Variants in CCDC171 observed in about 807,000 individuals in gnomAD.
CCDC171 encodes coiled-coil domain containing 171.
CCDC171 carries 177 observed loss-of-function variants against 168.2 expected under a neutral mutation model. The observed-to-expected ratio is 1.05, with a 90% CI of 0.93 to 1.19. CCDC171 has a LOEUF of 1.19. Among genes scored for constraint, CCDC171 ranks in the 50% most tolerant of loss-of-function variants. The pLI is 0.00. For missense variants in CCDC171, 1,991 were observed against 1,539.0 expected, an observed-to-expected ratio of 1.29 and a Z score of -4.91; for synonymous variants, 687 against 540.8, an observed-to-expected ratio of 1.27 and a Z score of -3.75.
intron 3 of CCDC171, among the ~76,000 whole-genome samples, chr9:16,007,598 T>A (rs1832744096): frequency 6.6e-6 from 1 of 152,196 alleles, no homozygotes; most frequent in African/African-American, 2.4e-5. Context: ...CCATCTTGAA[T>A]TAATTTTAGT....
chr9:16,015,803 C>T (rs537312389), intron 3 of CCDC171, among the ~76,000 whole-genome samples: 6 of 152,266 alleles, frequency 3.9e-5, no homozygotes, highest in South Asian at 2.1e-4. Flanking sequence ...CTTACAACCA[C>T]GATTCTACTT....
At chr9:16,059,189 T>C (rs1833889509) in intron 1 of CCDC171, among the ~76,000 whole-genome samples, 1 of 152,214 alleles carries the variant, frequency 6.6e-6, no homozygotes, top group Non-Finnish European at 1.5e-5. Context: ...CCCTACCACG[T>C]TATTGTTTCC....
chr9:15,632,548 C>A (rs2045812707), intron 7 of CCDC171, among the ~76,000 whole-genome samples: 2 of 152,128 alleles, frequency 1.3e-5, no homozygotes, highest in Admixed American at 1.3e-4. Context: ...AAGAACATTC[C>A]ATGCTCATGG....
intron 23 of CCDC171, among the ~76,000 whole-genome samples, chr9:15,852,014 T>C (rs1563870589): frequency 6.6e-6 from 1 of 151,832 alleles, no homozygotes; most frequent in African/African-American, 2.4e-5. Context: ...CACTTCTTGG[T>C]TATTATGAAT....
chr9:15,949,754 G>A (rs1404241841), intron 25 of CCDC171, among the ~76,000 whole-genome samples: 1 of 152,096 alleles, frequency 6.6e-6, no homozygotes, highest in Non-Finnish European at 1.5e-5. Context: ...TCTGCAAACA[G>A]GGACAATTTG....
chr9:15,973,814 C>G lies in CCDC171; in HGVS notation c.*1978C>G, dbSNP rs1831539331. On this transcript the variant is annotated 3_prime_UTR_variant, in exon 26 of 26. Transcript: ENST00000380701. ...TTTTAGTTCATGTGATATCACTGAG[C>G]TTACAATTCTCACTAGAGAAGAACA... is the stretch of plus-strand genomic sequence containing the variant. The G allele has an allele frequency of 6.6e-6, 1 of 152,104 alleles. No homozygotes were observed. The highest frequency in any genetic ancestry group is 2.4e-5 in the African/African-American group (1 of 41,426). The allele number at this position is 152,104 out of a possible 1,614,324, so 9.4% of individuals were successfully genotyped here.
downstream of CCDC171, among the ~76,000 whole-genome samples, chr9:16,062,517 C>T (rs567517390): frequency 6.6e-6 from 1 of 152,136 alleles, no homozygotes; most frequent in South Asian, 2.1e-4. Flanking sequence ...ATTTACCCAT[C>T]GAACAAACCT....
chr9:15,814,789 ATCT>A (rs1277578449), intron 21 of CCDC171, among the ~76,000 whole-genome samples: 1 of 152,202 alleles, frequency 6.6e-6, no homozygotes, highest in Non-Finnish European at 1.5e-5. Flanking sequence ...GAAAAAACAA[ATCT>A]TCATCATGCA....
At chr9:15,966,891 GTGTGTATATATATATATATATAAC>G (rs1830843729) in intron 25 of CCDC171, among the ~76,000 whole-genome samples, 1 of 106,300 alleles carries the variant, frequency 9.4e-6, no homozygotes, top group African/African-American at 5.7e-5. Flanking sequence ...AGATGTGTGT[GTGTGTATATATATATATATATAAC>G]TGTGTATATT....
At chr9:15,660,084 C>G (rs191124012) in intron 8 of CCDC171, among the ~76,000 whole-genome samples, 6 of 152,178 alleles carry the variant, frequency 3.9e-5, no homozygotes, top group African/African-American at 1.4e-4. Flanking sequence ...TTAAAGAACT[C>G]CCAATGTAAG....
chr9:15,829,154 A>G (rs916679915), intron 21 of CCDC171, among the ~76,000 whole-genome samples: 1 of 152,240 alleles, frequency 6.6e-6, no homozygotes, highest in Non-Finnish European at 1.5e-5. Context: ...TAGAAAATTA[A>G]TGCTCAGGGA....
chr9:15,719,210 C>T (rs1318541451), intron 11 of CCDC171, among the ~76,000 whole-genome samples: 1 of 151,846 alleles, frequency 6.6e-6, no homozygotes, highest in Non-Finnish European at 1.5e-5. Context: ...GTCAAAGTCT[C>T]TTAACAGTAG....
chr9:15,628,585 C>G (rs1323148646), intron 7 of CCDC171, among the ~76,000 whole-genome samples: 3 of 152,230 alleles, frequency 2.0e-5, no homozygotes, highest in Non-Finnish European at 4.4e-5. Flanking sequence ...TCTGTAGGCT[C>G]CACCTATGGG....
intron 23 of CCDC171, among the ~76,000 whole-genome samples, chr9:15,865,125 G>A (rs1050675643): frequency 4.0e-5 from 6 of 151,866 alleles, no homozygotes; most frequent in Non-Finnish European, 4.4e-5. Context: ...TAAATTTATC[G>A]GACTGAAATG....
intron 6 of CCDC171, among the ~76,000 whole-genome samples, chr9:16,026,341 G>T (rs1385709818): frequency 6.6e-6 from 1 of 152,062 alleles, no homozygotes; most frequent in Non-Finnish European, 1.5e-5. Context: ...TCTAATAAAG[G>T]TTCTCTGGCT....
At chr9:15,676,717 GAAA>G (rs1230625045) in intron 9 of CCDC171, among the ~76,000 whole-genome samples, 1 of 151,950 alleles carries the variant, frequency 6.6e-6, no homozygotes, top group Non-Finnish European at 1.5e-5. Context: ...TTTATCAGAG[GAAA>G]ATTTAAAACT....
intron 18 of CCDC171, among the ~76,000 whole-genome samples, chr9:15,763,925 G>T (rs2135139637): frequency 6.6e-6 from 1 of 152,164 alleles, no homozygotes; most frequent in South Asian, 2.1e-4. Flanking sequence ...CTTCGAGTAG[G>T]TACTCAAAGG....
chr9:15,951,429 A>C (rs1041546767), intron 25 of CCDC171, among the ~76,000 whole-genome samples: 16 of 152,204 alleles, frequency 1.1e-4, no homozygotes, highest in Admixed American at 1.0e-3. Context: ...CTGTTGTACT[A>C]TTTTACATTT....
At chr9:15,887,020 G>A (rs994438750) in intron 24 of CCDC171, among the ~76,000 whole-genome samples, 1 of 152,036 alleles carries the variant, frequency 6.6e-6, no homozygotes, top group African/African-American at 2.4e-5. Flanking sequence ...AAAACTTTTG[G>A]TCATAAGATG....
Sources: gnomAD v4.1 joint callset for allele counts (sites outside exome capture counted in the v4.1 genomes callset) on GRCh38, gnomAD v4.1.1 for gene constraint, MANE v1.5 for transcripts, NCBI Gene and HGNC (gene_info 2026-07-23, HGNC 2026-07-21) for gene names.